MDGA2: variants seen among roughly 807,000 people sequenced by gnomAD.
MDGA2 encodes the protein MAM domain-containing glycosylphosphatidylinositol anchor protein 2.
MDGA2 carries 40 observed loss-of-function variants against 117.8 expected under a neutral mutation model. The observed-to-expected ratio is 0.34, with a 90% CI of 0.26 to 0.44. MDGA2 has a LOEUF of 0.44. MDGA2 is among the 20% of genes least tolerant of loss of function. The probability of loss-of-function intolerance (pLI) is 1.00; values close to 1 mark genes in which losing one functional copy is unlikely to be tolerated. For missense variants in MDGA2, 1,123 were observed against 1,250.6 expected (o/e 0.90, Z 1.54); for synonymous variants, 452 against 439.0 (o/e 1.03, Z -0.37).
chr14:47,604,933 C>T (rs1896714659), intron 1 of MDGA2, among the ~76,000 whole-genome samples: 1 of 152,142 alleles, frequency 6.6e-6, no homozygotes, highest in Non-Finnish European at 1.5e-5. Context: ...TTACACAGTA[C>T]AAGCAAGACC....
rs1884199377 is a variant in MDGA2, at chr14:46,923,198, T to C, written c.2090-3038A>G. 2.0e-5 allele frequency among the ~76,000 whole-genome samples: 3 copies of C among 152,294 alleles called. No homozygotes were observed. The South Asian group carries it at 6.2e-4, about 32-fold the overall frequency. The stretch of plus-strand genomic sequence containing the variant: ...TAAAATATTGCAAATATATCAAATT[T>C]CACTATAAAACGTTATCTTTATATT... On this transcript the variant is annotated intron_variant, in intron 9 of 16. Transcript: ENST00000399232.
At chr14:46,992,902 C>T (rs949103801) in intron 8 of MDGA2, among the ~76,000 whole-genome samples, 1 of 152,082 alleles carries the variant, frequency 6.6e-6, no homozygotes, top group African/African-American at 2.4e-5. Flanking sequence ...TCGACTAAAC[C>T]TAATCGCTTA....
Position 47,587,478 on chromosome 14 carries a change from G to A in MDGA2, c.280+87039C>T, listed in dbSNP as rs577314822. Among the ~76,000 whole-genome samples, 13 of 151,802 alleles carry A rather than the reference G, an allele frequency of 8.6e-5. No homozygotes were observed. In the East Asian group the frequency reaches 2.5e-3, roughly 29 times the overall value. ...TGAACTGTCTATTTTATCTGACACTGTGTCTCCCAAAAATGCACTTCTTGT... is the reference window on the plus strand; with the variant it reads ...TGAACTGTCTATTTTATCTGACACTATGTCTCCCAAAAATGCACTTCTTGT... On this transcript the variant is annotated intron_variant, in intron 1 of 16. Transcript: ENST00000399232.
chr14:47,201,224 A>G, intron 3 of MDGA2: 2 of 509,956 alleles, frequency 3.9e-6, no homozygotes, highest in East Asian at 4.0e-5. Flanking sequence ...TCTCTCTTAC[A>G]TGATTCCTGC....
intron 11 of MDGA2, among the ~76,000 whole-genome samples, chr14:46,879,201 G>A (rs552208323): frequency 6.6e-6 from 1 of 152,092 alleles, no homozygotes; most frequent in East Asian, 1.9e-4. Flanking sequence ...AAGAGGAGGA[G>A]GAGACACCAG....
intron 2 of MDGA2, among the ~76,000 whole-genome samples, chr14:47,271,943 G>A (rs759584689): frequency 6.6e-6 from 1 of 152,016 alleles, no homozygotes; most frequent in Non-Finnish European, 1.5e-5. Flanking sequence ...GTTTGCTATT[G>A]TGTACACCCC....
intron 1 of MDGA2, among the ~76,000 whole-genome samples, chr14:47,398,791 A>G (rs1594837098): frequency 6.6e-6 from 1 of 152,292 alleles, no homozygotes; most frequent in Middle Eastern, 3.4e-3. Context: ...CTTTATATTC[A>G]TATCATCTTT....
chr14:46,876,326 G>C (rs749140663), intron 12 of MDGA2, among the ~76,000 whole-genome samples: 14 of 151,494 alleles, frequency 9.2e-5, no homozygotes, highest in Middle Eastern at 3.4e-3. Context: ...TTTAAAAAGA[G>C]ACAATTATAA....
chr14:47,559,213 A>T (rs966670265), intron 1 of MDGA2, among the ~76,000 whole-genome samples: 3 of 152,172 alleles, frequency 2.0e-5, no homozygotes, highest in Admixed American at 6.5e-5. Flanking sequence ...TACACGGCAG[A>T]CAGTTTTTCA....
rs558933579 is a variant in MDGA2 at position 46,858,636 on chromosome 14, C to T, written c.2753-3482G>A. Reference sequence around the variant, plus strand: ...TAGAGATGGGGTTTCACCGTGTTAGCCAGAATGGTCTCGATCTCCCGACCT... The same window carrying T: ...TAGAGATGGGGTTTCACCGTGTTAGTCAGAATGGTCTCGATCTCCCGACCT... On this transcript the variant is annotated intron_variant, in intron 14 of 16. Transcript: ENST00000399232. 2.7e-4 allele frequency among the ~76,000 whole-genome samples: 41 copies of T among 151,972 alleles called. No homozygotes were observed. The South Asian group carries it at 8.1e-3, about 30-fold the overall frequency.
chr14:46,876,049 C>G (rs1882215081), intron 12 of MDGA2, among the ~76,000 whole-genome samples: 1 of 151,348 alleles, frequency 6.6e-6, no homozygotes, highest in Non-Finnish European at 1.5e-5. Context: ...CTTATGAAAA[C>G]TACAAAAAAT....
chr14:47,078,221 C>G (rs1385586164), intron 6 of MDGA2, among the ~76,000 whole-genome samples: 1 of 152,000 alleles, frequency 6.6e-6, no homozygotes, highest in African/African-American at 2.4e-5. Context: ...TTTTTAAGGT[C>G]TACTAAAGAT....
chr14:47,274,448 G>A (rs186984624), intron 2 of MDGA2, among the ~76,000 whole-genome samples: 1 of 152,012 alleles, frequency 6.6e-6, no homozygotes, highest in East Asian at 1.9e-4. Flanking sequence ...TCATTGCATA[G>A]ATAGGCCACA....
At chr14:46,954,125 AG>A (rs1885471253) in intron 9 of MDGA2, among the ~76,000 whole-genome samples, 2 of 151,966 alleles carry the variant, frequency 1.3e-5, no homozygotes, top group African/African-American at 4.8e-5. Flanking sequence ...GAAACCTCGC[AG>A]GTTGATTTTC....
chr14:47,588,410 G>T (rs937405010), intron 1 of MDGA2, among the ~76,000 whole-genome samples: 1 of 151,328 alleles, frequency 6.6e-6, no homozygotes, highest in Non-Finnish European at 1.5e-5. Context: ...TAACATCCTT[G>T]TCAACATTGC....
At chr14:47,359,681 G>A (rs144670259) in intron 1 of MDGA2, among the ~76,000 whole-genome samples, 5 of 148,910 alleles carry the variant, frequency 3.4e-5, no homozygotes, top group Admixed American at 2.7e-4. Context: ...AACCTGAGAG[G>A]TGGAGGTTGC....
chr14:47,299,074 T>C (rs970305364), intron 2 of MDGA2, among the ~76,000 whole-genome samples: 1 of 152,166 alleles, frequency 6.6e-6, no homozygotes, highest in Non-Finnish European at 1.5e-5. Flanking sequence ...AAAATATTGA[T>C]ACCAAAACAA....
In MDGA2 at chr14:47,112,432, G is replaced by C. The variant is rs1053360545; in HGVS notation, c.926-15309C>G. On this transcript the variant is annotated intron_variant, in intron 5 of 16. Coordinates refer to ENST00000399232, the MANE Select transcript of MDGA2 (RefSeq NM_001113498.3). ...CTCAAGACAGGCTCTAGTGTGTGTT[G>C]TTCTCCTCCCTGTGTCCATGGGTCC... Among the ~76,000 whole-genome samples, 14 of 152,114 alleles carry C rather than the reference G, an allele frequency of 9.2e-5. No individual in the cohort carries two copies. In the East Asian group the frequency reaches 1.9e-3, roughly 21 times the overall value.
chr14:46,992,080 C>G (rs189526218), intron 8 of MDGA2, among the ~76,000 whole-genome samples: 5 of 152,220 alleles, frequency 3.3e-5, no homozygotes, highest in Non-Finnish European at 7.4e-5. Context: ...CTCTTTCTGT[C>G]AAAAGATCAA....
Sources: allele counts gnomAD v4.1 joint callset (sites outside exome capture counted in the v4.1 genomes callset), GRCh38; gene constraint gnomAD v4.1.1; transcripts MANE v1.5; gene names NCBI Gene and HGNC (gene_info 2026-07-23, HGNC 2026-07-21).